Variants in TNNI3K observed in about 807,000 individuals in gnomAD.
TNNI3K encodes TNNI3 interacting kinase.
In TNNI3K, 140 loss-of-function variants were observed where a neutral mutation model predicts 114.5. The observed-to-expected ratio is 1.22, with a 90% CI of 1.07 to 1.41. The LOEUF (loss-of-function observed/expected upper bound fraction) is 1.41. TNNI3K is among the 40% of genes most tolerant of loss of function. TNNI3K has a pLI of 0.00. For synonymous variants in TNNI3K, 347 were observed against 347.5 expected (o/e 1.00, Z 0.02); for missense variants, 1,125 against 1,007.6 (o/e 1.12, Z -1.58).
chr1:74,398,891 G>T (rs1438000407), intron 17 of TNNI3K, among the ~76,000 whole-genome samples: 1 of 151,988 alleles, frequency 6.6e-6, no homozygotes, highest in African/African-American at 2.4e-5. Flanking sequence ...GAGTATGGTG[G>T]CTCACCCCTG....
chr1:74,446,465 G>A (rs1180523600), intron 20 of TNNI3K, among the ~76,000 whole-genome samples: 8 of 148,808 alleles, frequency 5.4e-5, no homozygotes, highest in African/African-American at 7.5e-5. Flanking sequence ...AGTAGGTTGC[G>A]AAAATTTTCT....
At chr1:74,385,455 T>C (rs1663424061) in intron 17 of TNNI3K, among the ~76,000 whole-genome samples, 1 of 152,068 alleles carries the variant, frequency 6.6e-6, no homozygotes, top group Non-Finnish European at 1.5e-5. Context: ...TAGAAAGAGG[T>C]ATGTAAAGTA....
At chr1:74,237,297 T>C (rs1653916986) in intron 2 of TNNI3K, among the ~76,000 whole-genome samples, 1 of 151,976 alleles carries the variant, frequency 6.6e-6, no homozygotes, top group Non-Finnish European at 1.5e-5. Context: ...TGTTGAGATA[T>C]GGAACTACAT....
chr1:74,401,961 T>C (rs774201343), intron 17 of TNNI3K: 2 of 390,418 alleles, frequency 5.1e-6, no homozygotes, highest in Non-Finnish European at 1.0e-5. Context: ...CTAAAAGGTA[T>C]TGATGGAAAT....
intron 20 of TNNI3K, among the ~76,000 whole-genome samples, chr1:74,450,460 T>A (rs1432790151): frequency 6.6e-6 from 1 of 151,382 alleles, no homozygotes; most frequent in African/African-American, 2.4e-5. Context: ...ATCGTCAGAG[T>A]GAGCAGACAA....
chr1:74,532,257 C>A (rs1646597204), intron 23 of TNNI3K, among the ~76,000 whole-genome samples: 1 of 152,134 alleles, frequency 6.6e-6, no homozygotes, highest in Non-Finnish European at 1.5e-5. Flanking sequence ...AGGAAAGTAT[C>A]ATTTTTTTAA....
At chr1:74,267,469 C>T (rs998439336) in intron 4 of TNNI3K, among the ~76,000 whole-genome samples, 7 of 151,964 alleles carry the variant, frequency 4.6e-5, no homozygotes, top group Admixed American at 3.3e-4. Context: ...CTACCTTCAA[C>T]ACTTACAAAG....
chr1:74,335,362 G>A (rs1660411577), intron 6 of TNNI3K, among the ~76,000 whole-genome samples: 1 of 152,106 alleles, frequency 6.6e-6, no homozygotes, highest in Non-Finnish European at 1.5e-5. Flanking sequence ...AACAACATAA[G>A]GTCAGTAGCA....
At chr1:74,452,044 T>C (rs1667050985) in intron 20 of TNNI3K, among the ~76,000 whole-genome samples, 1 of 152,088 alleles carries the variant, frequency 6.6e-6, no homozygotes, top group Non-Finnish European at 1.5e-5. Flanking sequence ...TTAAAATTAT[T>C]GTATGGCTTC....
intron 5 of TNNI3K, among the ~76,000 whole-genome samples, chr1:74,278,997 A>C (rs1656844379): frequency 6.6e-6 from 1 of 152,204 alleles, no homozygotes; most frequent in African/African-American, 2.4e-5. Flanking sequence ...TACAGATTCA[A>C]CTGATAGTGT....
intron 17 of TNNI3K, among the ~76,000 whole-genome samples, chr1:74,404,534 AGATTGTTAAAGCACT>A (rs1233959532): frequency 6.6e-6 from 1 of 152,170 alleles, no homozygotes; most frequent in South Asian, 2.1e-4. Context: ...TCATCTGGAC[AGATTGTTAAAGCACT>A]GATTTCTGGA....
intron 17 of TNNI3K, 131 bp downstream of exon 17, chr1:74,370,523 A>T (rs1662539792): frequency 6.3e-6 from 4 of 633,030 alleles, no homozygotes; most frequent in East Asian, 3.2e-5. Flanking sequence ...AGGCTACCAT[A>T]AGCTTAGGCG....
chr1:74,505,569 A>G (rs1669851603), intron 23 of TNNI3K, among the ~76,000 whole-genome samples: 1 of 151,934 alleles, frequency 6.6e-6, no homozygotes, highest in South Asian at 2.1e-4. Context: ...TCTTTTTTTC[A>G]CCTTTAACAT....
chr1:74,470,472 G>A (rs1384204995), intron 21 of TNNI3K: 2 of 400,504 alleles, frequency 5.0e-6, no homozygotes, highest in Non-Finnish European at 8.8e-6. Context: ...TATTGGTTAG[G>A]TGCCAAACGG....
intron 17 of TNNI3K, among the ~76,000 whole-genome samples, chr1:74,385,990 T>C (rs1034974987): frequency 6.6e-6 from 1 of 152,188 alleles, no homozygotes; most frequent in Non-Finnish European, 1.5e-5. Flanking sequence ...TGGGAGGTAA[T>C]TGAATGATGG....
chr1:74,463,532 G>A lies in TNNI3K; in HGVS notation c.2103G>A (p.Gly701=), dbSNP rs1667540180. 3 of 1,614,192 alleles carry A rather than the reference G, an allele frequency of 1.9e-6. No homozygotes were observed. Among genetic ancestry groups the A allele is most frequent in the East Asian group, 2.2e-5 (1 of 44,884 alleles). Residue 701 remains glycine, a synonymous_variant, in exon 21 of 25, where the codon GGG becomes GGA. Transcript: ENST00000326637. The stretch of plus-strand genomic sequence containing the variant: ...CCATATCATCTCTGCTGATACGAGG[G>A]TGGAACGCATGTCCTGAAGTGAGTA... ...PKPISSLLIR[G]WNACPEGRPE... is the part of the protein sequence containing the mutation.
chr1:74,539,557 A>C (rs967725057), intron 23 of TNNI3K, among the ~76,000 whole-genome samples: 2 of 152,124 alleles, frequency 1.3e-5, no homozygotes, highest in East Asian at 3.9e-4. Flanking sequence ...AGTTTGAGAA[A>C]GGAGAAGGAT....
chr1:74,282,492 T>G (rs1264397086), intron 5 of TNNI3K, among the ~76,000 whole-genome samples: 2 of 151,870 alleles, frequency 1.3e-5, no homozygotes, highest in East Asian at 3.9e-4. Flanking sequence ...TCTACTCTTT[T>G]TATGAGGTCA....
rs1266556573 is a variant in TNNI3K, at chr1:74,281,424, C to T, written c.444+9716C>T. Among the ~76,000 whole-genome samples, 24 of 151,542 alleles carry T rather than the reference C, an allele frequency of 1.6e-4. No individual in the cohort carries two copies. In the East Asian group the frequency reaches 4.3e-3, roughly 27 times the overall value. On this transcript the variant is annotated intron_variant, in intron 5 of 24. Transcript: ENST00000326637. ...CACATAAACTTTAGGAAAGTTAGCT[C>T]TCATTTTTATTTGTTCTGTTTTGTT... is the stretch of plus-strand genomic sequence containing the variant.
Sources: allele counts gnomAD v4.1 joint callset (sites outside exome capture counted in the v4.1 genomes callset), GRCh38; gene constraint gnomAD v4.1.1; transcripts MANE v1.5; gene names NCBI Gene and HGNC (gene_info 2026-07-23, HGNC 2026-07-21).